The following NKAIN2 variants were observed in gnomAD, a reference collection of about 807,000 sequenced individuals.
NKAIN2 encodes the protein sodium/potassium transporting ATPase interacting 2, also known as sodium/potassium-transporting ATPase subunit beta-1-interacting protein 2.
In NKAIN2, 14 loss-of-function variants were observed where a neutral mutation model predicts 32.6. The observed-to-expected ratio is 0.43, with a 90% CI of 0.28 to 0.67. NKAIN2 has a LOEUF of 0.67. Ranked by LOEUF, NKAIN2 falls within the 30% of genes least tolerant of loss-of-function variation. The probability of loss-of-function intolerance (pLI) is 0.17; values close to 1 mark genes in which losing one functional copy is unlikely to be tolerated. For missense variants in NKAIN2, 198 were observed against 258.3 expected, an observed-to-expected ratio of 0.77 and a Z score of 1.60; for synonymous variants, 80 against 87.2, an observed-to-expected ratio of 0.92 and a Z score of 0.46.
intron 2 of NKAIN2, among the ~76,000 whole-genome samples, chr6:124,312,628 T>G (rs1796769936): frequency 6.6e-6 from 1 of 152,190 alleles, no homozygotes; most frequent in Non-Finnish European, 1.5e-5. Flanking sequence ...GGAATCTTCA[T>G]GAGTTCAGCT....
intron 4 of NKAIN2, among the ~76,000 whole-genome samples, chr6:124,720,406 CAT>C (rs775536670): frequency 1.4e-4 from 22 of 152,090 alleles, no homozygotes; most frequent in Admixed American, 3.9e-4. Context: ...TTAATTTTAA[CAT>C]GTGGTAAATT....
At chr6:123,997,960 A>T (rs1779700963) in intron 1 of NKAIN2, among the ~76,000 whole-genome samples, 1 of 152,064 alleles carries the variant, frequency 6.6e-6, no homozygotes, top group Non-Finnish European at 1.5e-5. Flanking sequence ...AGGTATTTTC[A>T]AATAGAATGA....
intron 3 of NKAIN2, among the ~76,000 whole-genome samples, chr6:124,521,395 G>A (rs906941735): frequency 1.8e-4 from 28 of 152,154 alleles, no homozygotes; most frequent in Non-Finnish European, 2.4e-4. Flanking sequence ...TAATTGAGAA[G>A]ATCATATGAT....
chr6:124,152,567 T>TA lies in NKAIN2; in HGVS notation c.55-130437dup, dbSNP rs535835253. 3.2e-4 allele frequency among the ~76,000 whole-genome samples: 48 copies of TA among 152,076 alleles called. 2 individuals carry two copies. In the South Asian group the frequency reaches 7.9e-3, roughly 25 times the overall value. On this transcript the variant is annotated intron_variant, in intron 1 of 6. Transcript: ENST00000368417. ...AATACTTGTACATGTTTGGTAGGAA[T>TA]ATAGAGTAGTACAGCCACTATGGGA...
At chr6:124,473,450 A>G (rs1397706946) in intron 3 of NKAIN2, among the ~76,000 whole-genome samples, 1 of 152,194 alleles carries the variant, frequency 6.6e-6, no homozygotes, top group African/African-American at 2.4e-5. Flanking sequence ...TTTTAATTCA[A>G]GAACATTTAT....
At chr6:124,596,065 A>T (rs1782075910) in intron 3 of NKAIN2, among the ~76,000 whole-genome samples, 1 of 152,168 alleles carries the variant, frequency 6.6e-6, no homozygotes, top group Admixed American at 6.5e-5. Flanking sequence ...AAAAAAAGTA[A>T]ATTGGAACCC....
intron 1 of NKAIN2, among the ~76,000 whole-genome samples, chr6:123,848,401 C>G (rs1016844455): frequency 6.6e-6 from 1 of 152,092 alleles, no homozygotes; most frequent in Non-Finnish European, 1.5e-5. Context: ...TGGGAGGGAC[C>G]CGGTAGGAGG....
intron 1 of NKAIN2, among the ~76,000 whole-genome samples, chr6:123,832,599 T>C (rs1181477176): frequency 2.0e-5 from 3 of 152,198 alleles, no homozygotes; most frequent in African/African-American, 4.8e-5. Flanking sequence ...AAACAATGAA[T>C]GAGAGTTCTT....
intron 3 of NKAIN2, among the ~76,000 whole-genome samples, chr6:124,408,456 C>A (rs1773977853): frequency 6.6e-6 from 1 of 152,178 alleles, no homozygotes; most frequent in Non-Finnish European, 1.5e-5. Context: ...AATAGGGAAT[C>A]CTTTCCCCAT....
intron 1 of NKAIN2, among the ~76,000 whole-genome samples, chr6:123,948,410 A>G (rs943195092): frequency 6.6e-6 from 1 of 152,074 alleles, no homozygotes; most frequent in East Asian, 1.9e-4. Flanking sequence ...ATTTCTCAGC[A>G]TCCTCTCCAG....
At chr6:124,252,980 A>G (rs1339703748) in intron 1 of NKAIN2, among the ~76,000 whole-genome samples, 2 of 152,184 alleles carry the variant, frequency 1.3e-5, no homozygotes, top group African/African-American at 2.4e-5. Context: ...TGTCTTCCTA[A>G]TTGTAGTTCT....
chr6:123,938,709 C>A (rs965266093), intron 1 of NKAIN2, among the ~76,000 whole-genome samples: 2 of 149,112 alleles, frequency 1.3e-5, no homozygotes, highest in Non-Finnish European at 3.0e-5. Flanking sequence ...CTACTTGATA[C>A]TAAAAATATG....
intron 1 of NKAIN2, among the ~76,000 whole-genome samples, chr6:123,908,869 A>G (rs1369481044): frequency 6.6e-6 from 1 of 152,222 alleles, no homozygotes; most frequent in Admixed American, 6.5e-5. Context: ...TCCCCATGTC[A>G]TAATTACTAT....
At chr6:124,648,519 G>T (rs1003346303) in intron 3 of NKAIN2, among the ~76,000 whole-genome samples, 31 of 152,216 alleles carry the variant, frequency 2.0e-4, no homozygotes, top group Admixed American at 1.0e-3. Context: ...AGGTCATGTT[G>T]GTCAGATCCA....
chr6:124,251,388 A>G (rs919991873), intron 1 of NKAIN2, among the ~76,000 whole-genome samples: 1 of 152,030 alleles, frequency 6.6e-6, no homozygotes. Context: ...CAAAATATTT[A>G]TAAAGAGAAG....
At chr6:124,143,207 C>T (rs765254989) in intron 1 of NKAIN2, among the ~76,000 whole-genome samples, 2 of 152,080 alleles carry the variant, frequency 1.3e-5, no homozygotes, top group Non-Finnish European at 2.9e-5. Flanking sequence ...GCCTAATATC[C>T]CAGCAATTTG....
chr6:124,086,301 T>G (rs1784188366), intron 1 of NKAIN2, among the ~76,000 whole-genome samples: 1 of 152,018 alleles, frequency 6.6e-6, no homozygotes, highest in Admixed American at 6.6e-5. Context: ...ACAAACTATA[T>G]AAATTTCAGT....
At chr6:124,268,306 T>C (rs994710429) in intron 1 of NKAIN2, among the ~76,000 whole-genome samples, 5 of 152,238 alleles carry the variant, frequency 3.3e-5, no homozygotes, top group African/African-American at 1.2e-4. Flanking sequence ...GACATCAGTA[T>C]AATATTCATA....
At chr6:123,856,684 T>A (rs937381369) in intron 1 of NKAIN2, among the ~76,000 whole-genome samples, 1 of 152,186 alleles carries the variant, frequency 6.6e-6, no homozygotes. Flanking sequence ...GTTGACCACC[T>A]ATATCTGTGA....
Sources: gnomAD v4.1 joint callset for allele counts (sites outside exome capture counted in the v4.1 genomes callset) on GRCh38, gnomAD v4.1.1 for gene constraint, MANE v1.5 for transcripts, NCBI Gene and HGNC (gene_info 2026-07-23, HGNC 2026-07-21) for gene names.